LYPLA1: variants seen among roughly 807,000 people sequenced by gnomAD.
LYPLA1 encodes the protein acyl-protein thioesterase 1.
LYPLA1 carries 17 observed loss-of-function variants against 34.0 expected under a neutral mutation model. The ratio of observed to expected loss-of-function variants is 0.50; its 90% confidence interval spans 0.34 to 0.75. The LOEUF (loss-of-function observed/expected upper bound fraction) is 0.75. Ranked by LOEUF, LYPLA1 falls within the 30% of genes least tolerant of loss-of-function variation. The pLI is 0.01. For missense variants in LYPLA1, 203 were observed against 288.8 expected (o/e 0.70, Z 2.15); for synonymous variants, 98 against 100.8 (o/e 0.97, Z 0.17).
chr8:54,077,370 T>A (rs892521763), intron 2 of LYPLA1, among the ~76,000 whole-genome samples: 4 of 152,040 alleles, frequency 2.6e-5, no homozygotes, highest in Admixed American at 2.6e-4. Context: ...AGGGAAAGGA[T>A]CAGAAAAAAG....
downstream of LYPLA1, among the ~76,000 whole-genome samples, chr8:54,045,366 G>T (rs1805452186): frequency 6.6e-6 from 1 of 152,184 alleles, no homozygotes; most frequent in African/African-American, 2.4e-5. Flanking sequence ...TACAACTATT[G>T]TTACCCATTG....
intron 2 of LYPLA1, among the ~76,000 whole-genome samples, chr8:54,076,431 G>T (rs937443026): frequency 1.3e-5 from 2 of 152,146 alleles, no homozygotes; most frequent in African/African-American, 4.8e-5. Context: ...CTGCAGATGC[G>T]GATCCTGACT....
chr8:54,043,394 G>C (rs1244264589), downstream of LYPLA1, among the ~76,000 whole-genome samples: 1 of 152,056 alleles, frequency 6.6e-6, no homozygotes, highest in Non-Finnish European at 1.5e-5. Context: ...TCCTGCCTCA[G>C]CCTCCTGAGT....
At chr8:54,069,276 A>C (rs1807295804) in intron 2 of LYPLA1, among the ~76,000 whole-genome samples, 1 of 152,208 alleles carries the variant, frequency 6.6e-6, no homozygotes, top group Non-Finnish European at 1.5e-5. Context: ...AAGAAACGAT[A>C]AATGTTTGAG....
intron 2 of LYPLA1, among the ~76,000 whole-genome samples, chr8:54,085,371 C>CA (rs1808636264): frequency 6.6e-6 from 1 of 152,242 alleles, no homozygotes; most frequent in Non-Finnish European, 1.5e-5. Context: ...CTTGGCCTCC[C>CA]AAAGTGCCGA....
chr8:54,058,591 ACT>A (rs371046109), intron 5 of LYPLA1, among the ~76,000 whole-genome samples: 5 of 150,848 alleles, frequency 3.3e-5, no homozygotes, highest in East Asian at 1.9e-4. Context: ...GCTCGCTCAC[ACT>A]CTCTCTCTGT....
chr8:54,091,545 A>G (rs996040279), intron 2 of LYPLA1, among the ~76,000 whole-genome samples: 7 of 144,808 alleles, frequency 4.8e-5, no homozygotes, highest in African/African-American at 1.9e-4. Flanking sequence ...AGAAAAGAAA[A>G]GAAAAGAAGA....
At chr8:54,060,494 G>A (rs1806523993) in intron 5 of LYPLA1, among the ~76,000 whole-genome samples, 1 of 151,948 alleles carries the variant, frequency 6.6e-6, no homozygotes, top group Non-Finnish European at 1.5e-5. Flanking sequence ...CGAACAACTA[G>A]AATTACCATA....
chr8:54,060,676 A>G (rs1806542495), intron 5 of LYPLA1, among the ~76,000 whole-genome samples: 2 of 149,818 alleles, frequency 1.3e-5, no homozygotes, highest in Admixed American at 6.7e-5. Flanking sequence ...TAACATTAAC[A>G]ACTTTTTTCT....
intron 2 of LYPLA1, 112 bp from the exon 3 acceptor site, chr8:54,065,925 A>C: frequency 1.4e-6 from 1 of 738,596 alleles, no homozygotes; most frequent in Non-Finnish European, 2.4e-6. Context: ...AATCCTAAAA[A>C]TATGGTTTTT....
At chr8:54,100,833 A>T in intron 2 of LYPLA1, 75 bp downstream of exon 2, 1 of 1,189,322 alleles carries the variant, frequency 8.4e-7, no homozygotes, top group Non-Finnish European at 1.3e-6. Flanking sequence ...CTTAAACATT[A>T]AACCTTTGAA....
chr8:54,053,094 AC>A, intron 6 of LYPLA1: 1 of 201,522 alleles, frequency 5.0e-6, no homozygotes, highest in Non-Finnish European at 9.8e-6. Flanking sequence ...AATTGGTATT[AC>A]TTTTTTTTTT....
In LYPLA1 at chr8:54,047,984, T is replaced by C. The variant is rs1290811362; in HGVS notation, c.*81A>G. On this transcript the variant is annotated 3_prime_UTR_variant, in exon 9 of 9. Transcript: ENST00000316963. Reference sequence around the variant, plus strand: ...TTTTAACACTGCAAAACATTAGAAATTTGAAGACTGGGCATGGGAAAAGGT... The same window carrying C: ...TTTTAACACTGCAAAACATTAGAAACTTGAAGACTGGGCATGGGAAAAGGT... 6 of 944,036 alleles carry C rather than the reference T, an allele frequency of 6.4e-6. No individual in the cohort carries two copies. Among genetic ancestry groups the C allele is most frequent in the African/African-American group, 1.6e-5 (1 of 60,722 alleles). 58.5% of individuals were successfully genotyped at this position (944,036 alleles called of 1,614,324 possible). A position where few individuals can be genotyped will look rare whatever the true frequency, so the allele number is the denominator to read the frequency against.
chr8:54,083,859 C>T (rs1294269653), intron 2 of LYPLA1, among the ~76,000 whole-genome samples: 2 of 152,006 alleles, frequency 1.3e-5, no homozygotes, highest in East Asian at 3.8e-4. Flanking sequence ...GATCTCAGGC[C>T]GGGCACGGTG....
intron 4 of LYPLA1, 143 bp downstream of exon 4, chr8:54,063,185 G>C: frequency 1.8e-6 from 1 of 567,390 alleles, no homozygotes; most frequent in East Asian, 3.2e-5. Flanking sequence ...TAAATCCAGA[G>C]TATGAAAATG....
intron 2 of LYPLA1, among the ~76,000 whole-genome samples, chr8:54,092,174 G>C (rs888022396): frequency 1.3e-5 from 2 of 151,050 alleles, no homozygotes; most frequent in Non-Finnish European, 3.0e-5. Flanking sequence ...GGAGAACCCT[G>C]TCGAAGTCAG....
chr8:54,048,882 T>C (rs1290014926), intron 8 of LYPLA1, among the ~76,000 whole-genome samples: 1 of 152,198 alleles, frequency 6.6e-6, no homozygotes, highest in East Asian at 1.9e-4. Context: ...CCCACTATCC[T>C]ACTTCTCCTC....
chr8:54,069,189 G>A (rs889565950), intron 2 of LYPLA1, among the ~76,000 whole-genome samples: 1 of 152,174 alleles, frequency 6.6e-6, no homozygotes, highest in African/African-American at 2.4e-5. Flanking sequence ...TAGCACTGTT[G>A]AGTGAATATG....
chr8:54,101,621 C>T, intron 1 of LYPLA1, 134 bp downstream of exon 1: 1 of 1,146,858 alleles, frequency 8.7e-7, no homozygotes, highest in Non-Finnish European at 1.1e-6. Flanking sequence ...GCGGACCATT[C>T]GCACCCCACC....
Sources: allele counts gnomAD v4.1 joint callset (sites outside exome capture counted in the v4.1 genomes callset), GRCh38; gene constraint gnomAD v4.1.1; transcripts MANE v1.5; gene names NCBI Gene and HGNC (gene_info 2026-07-23, HGNC 2026-07-21).